Variants in LGSN observed in about 807,000 individuals in gnomAD.
LGSN encodes lengsin, lens protein with glutamine synthetase domain.
A neutral mutation model predicts 19.5 loss-of-function variants in LGSN; 21 were observed. That is an observed-to-expected ratio of 1.07 (90% CI 0.76 to 1.55). The LOEUF (loss-of-function observed/expected upper bound fraction) is 1.55, where lower values mean the gene tolerates loss of function less well. Ranked by LOEUF, LGSN falls within the 40% of genes most tolerant of loss-of-function variation. LGSN has a pLI of 0.00. For missense variants in LGSN, 673 were observed against 608.5 expected (o/e 1.11, Z -1.12); for synonymous variants, 257 against 215.6 (o/e 1.19, Z -1.68).
At chr6:63,416,089 T>C in the LGSN span, among the ~76,000 whole-genome samples, 1 of 151,634 alleles carries the variant, frequency 6.6e-6, no homozygotes, top group African/African-American at 2.4e-5. Context: ...ATTTCATCTT[T>C]CCCTTCCATT....
the LGSN span, among the ~76,000 whole-genome samples, chr6:63,402,912 C>T: frequency 6.6e-6 from 1 of 152,178 alleles, no homozygotes; most frequent in African/African-American, 2.4e-5. Context: ...CTGAGGTCCC[C>T]TCAAAAATAA....
chr6:63,382,559 A>G, the LGSN span, among the ~76,000 whole-genome samples: 2 of 152,218 alleles, frequency 1.3e-5, no homozygotes, highest in Non-Finnish European at 2.9e-5. Context: ...TGTGTTACCT[A>G]GGAGGGTAAA....
At chr6:63,492,888 A>G in the LGSN span, among the ~76,000 whole-genome samples, 1 of 152,350 alleles carries the variant, frequency 6.6e-6, no homozygotes, top group South Asian at 2.1e-4. Flanking sequence ...TCGAAGTTAT[A>G]TGGCTTACAG....
chr6:63,458,060 T>TTTTA, the LGSN span, among the ~76,000 whole-genome samples: 2,052 of 151,524 alleles, frequency 0.014, 56 homozygotes, highest in African/African-American at 0.046. Context: ...TTATTTTTAT[T>TTTTA]TTTATTTATT....
At chr6:63,385,672 C>A in the LGSN span, among the ~76,000 whole-genome samples, 1 of 152,200 alleles carries the variant, frequency 6.6e-6, no homozygotes, top group Admixed American at 6.5e-5. Flanking sequence ...CCATAGTTTT[C>A]TAAGCATTAG....
At chr6:63,532,346 A>C in the LGSN span, among the ~76,000 whole-genome samples, 1 of 152,252 alleles carries the variant, frequency 6.6e-6, no homozygotes, top group East Asian at 1.9e-4. Flanking sequence ...GATTTTCCAC[A>C]GTTTAGCTTC....
At chr6:63,549,358 A>G in the LGSN span, 6 of 754,472 alleles carry the variant, frequency 8.0e-6, no homozygotes, top group Admixed American at 1.0e-4. Context: ...AAAGCTGGTT[A>G]GGTCTCTTTT....
At chr6:63,406,737 G>A in the LGSN span, among the ~76,000 whole-genome samples, 76 of 151,940 alleles carry the variant, frequency 5.0e-4, no homozygotes, top group Middle Eastern at 3.4e-3. Context: ...ATGAATCCAG[G>A]AGCTGGTTTT....
the LGSN span, among the ~76,000 whole-genome samples, chr6:63,388,668 T>A: frequency 1.3e-5 from 2 of 152,222 alleles, no homozygotes; most frequent in Admixed American, 6.5e-5. Flanking sequence ...AATAAATTTC[T>A]ATTGTTTGAG....
At chr6:63,524,832 A>G in the LGSN span, among the ~76,000 whole-genome samples, 14 of 152,262 alleles carry the variant, frequency 9.2e-5, no homozygotes, top group Non-Finnish European at 5.9e-5. Flanking sequence ...TTTTAGAATT[A>G]TAAACATTAT....
the LGSN span, among the ~76,000 whole-genome samples, chr6:63,373,292 T>C: frequency 1.3e-5 from 2 of 152,204 alleles, no homozygotes; most frequent in African/African-American, 2.4e-5. Context: ...TACATGTTGA[T>C]TACCAAAGGA....
At chr6:63,567,827 C>T in the LGSN span, among the ~76,000 whole-genome samples, 2 of 152,334 alleles carry the variant, frequency 1.3e-5, no homozygotes, top group East Asian at 3.9e-4. Context: ...CATCAATGTT[C>T]TTGGCTAAAT....
the LGSN span, among the ~76,000 whole-genome samples, chr6:63,523,870 A>G: frequency 2.0e-5 from 3 of 152,190 alleles, no homozygotes; most frequent in Non-Finnish European, 4.4e-5. Context: ...TGAATTTTTA[A>G]CAGATTGCCT....
chr6:63,301,282 C>T (rs1037452699), intron 1 of LGSN, among the ~76,000 whole-genome samples: 24 of 152,008 alleles, frequency 1.6e-4, no homozygotes, highest in African/African-American at 5.1e-4. Flanking sequence ...CAGAATGAGA[C>T]TCTGTCTTAA....
upstream of LGSN, among the ~76,000 whole-genome samples, chr6:63,322,768 A>G (rs190703010): frequency 1.2e-3 from 177 of 152,312 alleles, no homozygotes; most frequent in African/African-American, 3.9e-3. Context: ...TGTTTACAGA[A>G]TTAAGATTTA....
chr6:63,384,338 A>ATT, the LGSN span, among the ~76,000 whole-genome samples: 1 of 152,316 alleles, frequency 6.6e-6, no homozygotes, highest in Admixed American at 6.5e-5. Flanking sequence ...ACATGACCTA[A>ATT]TTCTGCACAA....
intron 2 of LGSN, among the ~76,000 whole-genome samples, chr6:63,290,633 T>C (rs1767727731): frequency 6.6e-6 from 1 of 152,208 alleles, no homozygotes; most frequent in Non-Finnish European, 1.5e-5. Context: ...GTAGTCTAGA[T>C]GGGCAGGCAA....
the LGSN span, among the ~76,000 whole-genome samples, chr6:63,553,766 G>A: frequency 6.6e-6 from 1 of 152,166 alleles, no homozygotes; most frequent in East Asian, 1.9e-4. Flanking sequence ...TGTAGGAGAA[G>A]AGAAAGGAAG....
At chr6:63,453,688 C>G in the LGSN span, among the ~76,000 whole-genome samples, 5 of 152,092 alleles carry the variant, frequency 3.3e-5, no homozygotes, top group Non-Finnish European at 5.9e-5. Context: ...GAGTCTCGCT[C>G]TGTTGCCCAG....
Sources: gnomAD v4.1 joint callset for allele counts (sites outside exome capture counted in the v4.1 genomes callset) on GRCh38, gnomAD v4.1.1 for gene constraint, MANE v1.5 for transcripts, NCBI Gene and HGNC (gene_info 2026-07-23, HGNC 2026-07-21) for gene names.